MYT1: variants seen among roughly 807,000 people sequenced by gnomAD.
The protein encoded by MYT1 is myelin transcription factor I.
Under a neutral mutation model 123.0 loss-of-function variants are expected in MYT1, and 23 were observed. The ratio of observed to expected loss-of-function variants is 0.19; its 90% confidence interval spans 0.13 to 0.26. The LOEUF (loss-of-function observed/expected upper bound fraction) is 0.26, where lower values mean the gene tolerates loss of function less well. Among genes scored for constraint, MYT1 ranks in the 10% least tolerant of loss-of-function variants. The probability of loss-of-function intolerance (pLI) is 1.00; values close to 1 mark genes in which losing one functional copy is unlikely to be tolerated. For synonymous variants in MYT1, 518 were observed against 575.3 expected, an observed-to-expected ratio of 0.90 and a Z score of 1.43; for missense variants, 1,125 against 1,472.5, an observed-to-expected ratio of 0.76 and a Z score of 3.86.
chr20:64,239,025 C>T lies in MYT1; in HGVS notation c.3094-735C>T, dbSNP rs1212135533. Among the ~76,000 whole-genome samples, 4 of 152,340 alleles carry T rather than the reference C, an allele frequency of 2.6e-5. No individual in the cohort carries two copies. In the East Asian group the frequency reaches 7.7e-4, roughly 29 times the overall value. On this transcript the variant is annotated intron_variant, in intron 21 of 22. Coordinates refer to ENST00000328439, the MANE Select transcript of MYT1 (RefSeq NM_004535.3). ...CCACAGCCTCCCAGGAATGAGCTCCCCACTCCTGCCTCGTGTGTCACCCAC... is the reference window on the plus strand; with the variant it reads ...CCACAGCCTCCCAGGAATGAGCTCCTCACTCCTGCCTCGTGTGTCACCCAC...
chr20:64,194,787 G>A (rs1402710991), intron 2 of MYT1, among the ~76,000 whole-genome samples: 5 of 152,210 alleles, frequency 3.3e-5, no homozygotes, highest in Admixed American at 1.3e-4. Flanking sequence ...AAGCCCGTTG[G>A]GCTTCATGGA....
At chr20:64,205,196 C>T in intron 5 of MYT1, 99 bp downstream of exon 5, 1 of 1,415,530 alleles carries the variant, frequency 7.1e-7, no homozygotes, top group Non-Finnish European at 9.9e-7. Flanking sequence ...TTCCATGGCT[C>T]CCAAGGCCAG....
At position 64,193,411 on chromosome 20, in the gene MYT1, A is replaced by G. The variant is rs934634027; in HGVS notation, c.-1+3251A>G. Among the ~76,000 whole-genome samples, 8 of 152,156 alleles carry G rather than the reference A, an allele frequency of 5.3e-5. No homozygotes were observed. Among genetic ancestry groups the G allele is most frequent in the Non-Finnish European group, 2.9e-5 (2 of 68,022 alleles). ...GATACTCGGGAGGGGAGCAACACAA[A>G]TGCTTGAATGCTGCTCTTAGATCGT... On this transcript the variant is annotated intron_variant, in intron 2 of 22. Coordinates refer to ENST00000328439, the MANE Select transcript of MYT1 (RefSeq NM_004535.3). This position sits in a 1 kb window ranked among gnomAD's most constrained non-coding sequence, Gnocchi z 4.0.
At chr20:64,173,361 G>A (rs1284065148) in intron 1 of MYT1, among the ~76,000 whole-genome samples, 2 of 152,140 alleles carry the variant, frequency 1.3e-5, no homozygotes, top group African/African-American at 4.8e-5. Context: ...TCTTTTGTGG[G>A]CTTCTCCCCA....
rs1202329599 is a variant in MYT1 at position 64,213,985 on chromosome 20, T to C, written c.1631+338T>C. On this transcript the variant is annotated intron_variant, in intron 10 of 22. Transcript: ENST00000328439. The surrounding 1 kb of genome is among the most constrained non-coding windows in gnomAD (Gnocchi z 5.6). ...GTGACCACTTGAGGCCCCTTGGGGA[T>C]TCATTTGTGGAGATGCTGGTCCTGT... Among the ~76,000 whole-genome samples, 1 of 152,172 alleles carries C rather than the reference T, an allele frequency of 6.6e-6. No homozygotes were observed. Among genetic ancestry groups the C allele is most frequent in the Non-Finnish European group, 1.5e-5 (1 of 68,022 alleles).
At position 64,240,954 on chromosome 20, in the gene MYT1, G is replaced by A. The variant is rs1285576893; in HGVS notation, c.*506G>A. 1 of 155,526 alleles carries A rather than the reference G, an allele frequency of 6.4e-6. No individual in the cohort carries two copies. Among genetic ancestry groups the A allele is most frequent in the Non-Finnish European group, 1.4e-5 (1 of 69,874 alleles). 9.6% of individuals were successfully genotyped at this position (155,526 alleles called of 1,614,324 possible). ...TTCATTTAATTCAGTTTTGTGTTAA[G>A]GGTGGAACAAAGCTCTGTTCTAGAG... On this transcript the variant is annotated 3_prime_UTR_variant, in exon 23 of 23. Coordinates refer to ENST00000328439, the MANE Select transcript of MYT1 (RefSeq NM_004535.3).
In MYT1 at chr20:64,213,192, G is replaced by C. The variant is rs1194191843; in HGVS notation, c.1518-342G>C. ...AGCTGGGAAGGGAGAGGAAGGGGGTGAGGGCAAGCCTGTCTCCCAGACCCA... is the reference window on the plus strand; with the variant it reads ...AGCTGGGAAGGGAGAGGAAGGGGGTCAGGGCAAGCCTGTCTCCCAGACCCA... On this transcript the variant is annotated intron_variant, in intron 9 of 22. Transcript: ENST00000328439. The surrounding 1 kb of genome is among the most constrained non-coding windows in gnomAD (Gnocchi z 5.6). 6.6e-6 allele frequency among the ~76,000 whole-genome samples: 1 copy of C among 152,172 alleles called. No homozygotes were observed. Among genetic ancestry groups the C allele is most frequent in the African/African-American group, 2.4e-5 (1 of 41,442 alleles).
rs1019785260 is a variant in MYT1 at position 64,190,444 on chromosome 20, C to A, written c.-1+284C>A. Among the ~76,000 whole-genome samples, 5 of 152,254 alleles carry A rather than the reference C, an allele frequency of 3.3e-5. No homozygotes were observed. Among genetic ancestry groups the A allele is most frequent in the African/African-American group, 1.2e-4 (5 of 41,460 alleles). On this transcript the variant is annotated intron_variant, in intron 2 of 22. Transcript: ENST00000328439. The surrounding 1 kb of genome is among the most constrained non-coding windows in gnomAD (Gnocchi z 4.1). ...ATCCCAGCACTTTGGGAGGCTGAGGCAGGTGGATCACTTGAGGTCAAGAGT... is the reference window on the plus strand; with the variant it reads ...ATCCCAGCACTTTGGGAGGCTGAGGAAGGTGGATCACTTGAGGTCAAGAGT...
chr20:64,219,537 G>C (rs1211915779), intron 12 of MYT1, among the ~76,000 whole-genome samples, 176 bp from the exon 13 acceptor site: 1 of 152,190 alleles, frequency 6.6e-6, no homozygotes, highest in African/African-American at 2.4e-5. Flanking sequence ...CCCCTTCATG[G>C]GAAATCAGGA....
chr20:64,198,809 T>C, intron 2 of MYT1, 53 bp from the exon 3 acceptor site: 1 of 1,598,512 alleles, frequency 6.3e-7, no homozygotes, highest in South Asian at 1.1e-5. Context: ...GGCTCTGTAC[T>C]CCAGAGGCAC....
rs540313163 is a variant in MYT1, at chr20:64,166,124, G to T, written c.-99+1385G>T. 2.0e-4 allele frequency among the ~76,000 whole-genome samples: 31 copies of T among 152,250 alleles called. No individual in the cohort carries two copies. The highest frequency in any genetic ancestry group is 1.2e-3 in the South Asian group (6 of 4,828). ...CCATTGGTCCTTGGCTGTGATTATC[G>T]CCTCCTTCCATATGGCCCTGTTAAT... is the stretch of plus-strand genomic sequence containing the variant. On this transcript the variant is annotated intron_variant, in intron 1 of 22. Transcript: ENST00000328439. The surrounding 1 kb of genome is among the most constrained non-coding windows in gnomAD (Gnocchi z 4.9).
chr20:64,226,455 T>C (rs899970238), intron 16 of MYT1, among the ~76,000 whole-genome samples: 1 of 152,204 alleles, frequency 6.6e-6, no homozygotes. Flanking sequence ...ACGTCCTCCC[T>C]GGGGTCTGAG....
At chr20:64,184,856 G>A (rs1982752145) in intron 1 of MYT1, among the ~76,000 whole-genome samples, 1 of 152,222 alleles carries the variant, frequency 6.6e-6, no homozygotes, top group Admixed American at 6.5e-5. Context: ...GCAAAAAGGA[G>A]AAGCCATCTG....
At chr20:64,188,021 C>G (rs1254616224) in intron 1 of MYT1, among the ~76,000 whole-genome samples, 2 of 152,188 alleles carry the variant, frequency 1.3e-5, no homozygotes, top group Admixed American at 1.3e-4. Context: ...TGTGGGGCCT[C>G]AGGGCCTCAG....
Position 64,201,917 on chromosome 20 carries a change from C to CGGGAACCCCCGT in MYT1, c.86+1996_86+1997insGGAACCCCCGTG, listed in dbSNP as rs1568708035. Among the ~76,000 whole-genome samples, 489 of 127,448 alleles carry CGGGAACCCCCGT rather than the reference C, an allele frequency of 3.8e-3. 6 individuals carry two copies. Among genetic ancestry groups the CGGGAACCCCCGT allele is most frequent in the African/African-American group, 0.015 (451 of 30,316 alleles). 83.6% of individuals were successfully genotyped at this position (127,448 alleles called of 152,430 possible). On this transcript the variant is annotated intron_variant, in intron 4 of 22. Coordinates refer to ENST00000328439, the MANE Select transcript of MYT1 (RefSeq NM_004535.3). ...AACCCCCGTGTGTCGGGAACCCCCG[C>CGGGAACCCCCGT]GTGTCGGGAACCCCCGCGTGTCGGG...
intron 16 of MYT1, among the ~76,000 whole-genome samples, chr20:64,223,613 C>T (rs1446576887): frequency 6.6e-6 from 1 of 152,104 alleles, no homozygotes; most frequent in East Asian, 1.9e-4. Flanking sequence ...CTGCAGGCTC[C>T]TGCGCTGCTC....
At chr20:64,197,415 C>T (rs1983155431) in intron 2 of MYT1, among the ~76,000 whole-genome samples, 1 of 152,212 alleles carries the variant, frequency 6.6e-6, no homozygotes, top group African/African-American at 2.4e-5. Flanking sequence ...TCTGAGCCCC[C>T]TCCTGCTGCC....
chr20:64,217,347 G>C, intron 11 of MYT1, 66 bp downstream of exon 11: 1 of 1,552,792 alleles, frequency 6.4e-7, no homozygotes, highest in South Asian at 1.1e-5. Context: ...GGATTCAAGG[G>C]GCAGTGGAGG....
At chr20:64,225,196 C>T (rs769375426) in intron 16 of MYT1, among the ~76,000 whole-genome samples, 11 of 152,178 alleles carry the variant, frequency 7.2e-5, no homozygotes, top group East Asian at 1.9e-4. Context: ...GGTCTCCCCC[C>T]GCCACGTGTC....
Sources: gnomAD v4.1 joint callset for allele counts (sites outside exome capture counted in the v4.1 genomes callset) on GRCh38, gnomAD v4.1.1 for gene constraint, Gnocchi (gnomAD v3.1) non-coding constraint, MANE v1.5 for transcripts, NCBI Gene and HGNC (gene_info 2026-07-23, HGNC 2026-07-21) for gene names.